The following INSC variants were observed in gnomAD, a reference collection of about 807,000 sequenced individuals.
INSC encodes protein inscuteable homolog.
Under a neutral mutation model 58.6 loss-of-function variants are expected in INSC, and 67 were observed. The observed-to-expected ratio is 1.14, with a 90% CI of 0.94 to 1.40. The LOEUF (loss-of-function observed/expected upper bound fraction) is 1.40, where lower values mean the gene tolerates loss of function less well. Among genes scored for constraint, INSC ranks in the 40% most tolerant of loss-of-function variants. The pLI is 0.00. For missense variants in INSC, 714 were observed against 692.0 expected (o/e 1.03, Z -0.36); for synonymous variants, 262 against 276.1 (o/e 0.95, Z 0.51).
At chr11:15,212,019 C>A (rs367723898) in intron 7 of INSC, among the ~76,000 whole-genome samples, 2 of 152,092 alleles carry the variant, frequency 1.3e-5, no homozygotes, top group South Asian at 2.1e-4. Flanking sequence ...GTTTTATATA[C>A]ATTTTAGAAT....
At chr11:15,125,999 G>T (rs1304690390) in intron 1 of INSC, among the ~76,000 whole-genome samples, 1 of 152,148 alleles carries the variant, frequency 6.6e-6, no homozygotes, top group Non-Finnish European at 1.5e-5. Flanking sequence ...TAAGGGACCT[G>T]TTGGGGAATA....
chr11:15,151,612 T>A (rs116839625), intron 2 of INSC, among the ~76,000 whole-genome samples: 42,237 of 139,580 alleles, frequency 0.3, 6,960 homozygotes, highest in Non-Finnish European at 0.37. Context: ...GATGCTGATC[T>A]TCTTGTTGGT....
chr11:15,132,032 C>G (rs1382956586), intron 1 of INSC, among the ~76,000 whole-genome samples: 1 of 152,042 alleles, frequency 6.6e-6, no homozygotes, highest in Non-Finnish European at 1.5e-5. Context: ...ATTTATTACT[C>G]ATTTATTTTT....
intron 1 of INSC, among the ~76,000 whole-genome samples, chr11:15,140,104 C>G (rs565449457): frequency 1.3e-5 from 2 of 152,234 alleles, no homozygotes; most frequent in African/African-American, 4.8e-5. Context: ...GGGGGTGCTG[C>G]TTGGACAAGC....
intron 1 of INSC, among the ~76,000 whole-genome samples, chr11:15,119,658 G>A (rs565513867): frequency 1.6e-4 from 25 of 152,244 alleles, no homozygotes; most frequent in Non-Finnish European, 7.3e-5. Flanking sequence ...GTTGGAGGGT[G>A]TAAGCTACGT....
chr11:15,249,977 T>G (rs1852633206), downstream of INSC, among the ~76,000 whole-genome samples: 1 of 152,198 alleles, frequency 6.6e-6, no homozygotes, highest in South Asian at 2.1e-4. Flanking sequence ...GATTAAAAGT[T>G]AGGATTTTCT....
intron 1 of INSC, among the ~76,000 whole-genome samples, chr11:15,119,532 G>A (rs775839819): frequency 8.5e-5 from 13 of 152,322 alleles, no homozygotes; most frequent in South Asian, 4.1e-4. Context: ...GTCTGTAGGC[G>A]TCAGCAGTTT....
chr11:15,269,602 T>G, the INSC span, among the ~76,000 whole-genome samples: 43 of 151,918 alleles, frequency 2.8e-4, no homozygotes, highest in Non-Finnish European at 5.7e-4. Context: ...AGGAGGAACA[T>G]GTGTAAAGAA....
intron 1 of INSC, among the ~76,000 whole-genome samples, chr11:15,116,847 T>TTCTTTCTC (rs1554900100): frequency 1.7e-5 from 1 of 57,762 alleles, no homozygotes; most frequent in African/African-American, 8.8e-5. Flanking sequence ...CTTTCTTTCT[T>TTCTTTCTC]TCTCTCTCTC....
At chr11:15,202,651 CTGGTTGG>C (rs1472766356) in intron 7 of INSC, among the ~76,000 whole-genome samples, 33 of 152,166 alleles carry the variant, frequency 2.2e-4, no homozygotes, top group Non-Finnish European at 4.3e-4. Context: ...CCTTTCCTGT[CTGGTTGG>C]CAGGGAAAAT....
chr11:15,190,436 T>G (rs2133859645), intron 5 of INSC, among the ~76,000 whole-genome samples: 1 of 152,374 alleles, frequency 6.6e-6, no homozygotes, highest in African/African-American at 2.4e-5. Flanking sequence ...GCTGATTTTC[T>G]GAGGGACTAG....
chr11:15,177,063 T>C (rs1564886176), intron 3 of INSC, 48 bp from the exon 4 acceptor site: 2 of 1,485,278 alleles, frequency 1.3e-6, no homozygotes, highest in Non-Finnish European at 1.9e-6. Flanking sequence ...CAGTTGGTCC[T>C]CAGTTAATGC....
chr11:15,217,550 T>C (rs1249085745), intron 7 of INSC, among the ~76,000 whole-genome samples: 1 of 152,132 alleles, frequency 6.6e-6, no homozygotes, highest in Non-Finnish European at 1.5e-5. Flanking sequence ...TGTGGGGCGC[T>C]TGAGTGGCCT....
chr11:15,113,956 C>T (rs866553542), upstream of INSC, among the ~76,000 whole-genome samples: 1 of 151,980 alleles, frequency 6.6e-6, no homozygotes, highest in African/African-American at 2.4e-5. Context: ...ACATAGTTTG[C>T]ATGTGAGAGA....
the INSC span, among the ~76,000 whole-genome samples, chr11:15,268,736 A>G: frequency 6.6e-6 from 1 of 152,048 alleles, no homozygotes; most frequent in East Asian, 1.9e-4. Context: ...AAATTATCTG[A>G]TTATTCAGAG....
At chr11:15,216,766 G>T (rs556206080) in intron 7 of INSC, among the ~76,000 whole-genome samples, 1 of 152,280 alleles carries the variant, frequency 6.6e-6, no homozygotes, top group South Asian at 2.1e-4. Flanking sequence ...GTTCCAAAAA[G>T]AGTGTGCAGA....
At chr11:15,212,140 C>T (rs1047418897) in intron 7 of INSC, among the ~76,000 whole-genome samples, 5 of 151,938 alleles carry the variant, frequency 3.3e-5, no homozygotes, top group Admixed American at 1.3e-4. Context: ...CTCACTCTGT[C>T]GCCCAGGCTG....
chr11:15,210,505 TTGTG>T (rs56375160), intron 7 of INSC, among the ~76,000 whole-genome samples: 32,380 of 135,396 alleles, frequency 0.24, 3,700 homozygotes, highest in East Asian at 0.49. Flanking sequence ...ATTTGAGAGT[TTGTG>T]TGTGTGTGTG....
the INSC span, among the ~76,000 whole-genome samples, chr11:15,253,917 A>C: frequency 6.6e-6 from 1 of 152,288 alleles, no homozygotes; most frequent in Admixed American, 6.5e-5. Context: ...AAGAAGTCAT[A>C]ACAGGGACCC....
Sources: gnomAD v4.1 joint callset for allele counts (sites outside exome capture counted in the v4.1 genomes callset) on GRCh38, gnomAD v4.1.1 for gene constraint, MANE v1.5 for transcripts, NCBI Gene and HGNC (gene_info 2026-07-23, HGNC 2026-07-21) for gene names.